DLK1: variants seen among roughly 807,000 people sequenced by gnomAD.
DLK1 encodes protein delta homolog 1.
Under a neutral mutation model 35.2 loss-of-function variants are expected in DLK1, and 9 were observed. The ratio of observed to expected loss-of-function variants is 0.26; its 90% CI spans 0.15 to 0.45. DLK1 has a LOEUF of 0.45. Ranked by LOEUF, DLK1 falls within the 20% of genes least tolerant of loss-of-function variation. DLK1 has a pLI of 1.00. For missense variants in DLK1, 522 were observed against 528.5 expected (o/e 0.99, Z 0.12); for synonymous variants, 231 against 228.4 (o/e 1.01, Z -0.10).
In DLK1 at chr14:100,736,510, A is replaced by G. The variant is rs1048060363; in HGVS notation, c.*1614A>G. 1.3e-5 allele frequency: 2 copies of G among 151,610 alleles called. No homozygotes were observed. The highest frequency in any genetic ancestry group is 6.6e-5 in the Admixed American group (1 of 15,212). The allele number at this position is 151,610 out of a possible 1,614,324, so 9.4% of individuals were successfully genotyped here. On this transcript the variant is annotated 3_prime_UTR_variant, in exon 5 of 5. Coordinates refer to ENST00000341267, the MANE Select transcript of DLK1 (RefSeq NM_003836.7). ...GTCATGACACAATATCGACCTCATC[A>G]CCTCATCGTCCTCCAGCCACTACCC...
chr14:100,733,362 C>G (rs531629702), intron 4 of DLK1, among the ~76,000 whole-genome samples: 2 of 152,108 alleles, frequency 1.3e-5, no homozygotes, highest in Non-Finnish European at 2.9e-5. Context: ...ACAAAGGGCT[C>G]GCTCGTTTAA....
chr14:100,734,669 A>G lies in DLK1; in HGVS notation c.925A>G (p.Ile309Val), dbSNP rs367613656. The G allele has an allele frequency of 1.2e-6, 2 of 1,613,874 alleles. No homozygotes were observed. Among genetic ancestry groups the G allele is most frequent in the Non-Finnish European group, 1.7e-6 (2 of 1,180,022 alleles). ...LTEGQAICFTILGVLTSLVVL... is the reference protein window; with the variant it reads ...LTEGQAICFTVLGVLTSLVVL... ...CGAGGGCCAGGCCATCTGCTTCACC[A>G]TCCTGGGCGTGCTCACCAGCCTGGT... The change falls in exon 5 of 5, where the codon ATC becomes GTC. Residue 309 changes from isoleucine to valine, a missense_variant. Transcript: ENST00000341267. The surrounding 1 kb of genome is among the most constrained non-coding windows in gnomAD (Gnocchi z 7.4).
In DLK1 at chr14:100,736,343, C is replaced by T. The variant is rs1359874386; in HGVS notation, c.*1447C>T. On this transcript the variant is annotated 3_prime_UTR_variant, in exon 5 of 5. Coordinates refer to ENST00000341267, the MANE Select transcript of DLK1 (RefSeq NM_003836.7). Reference sequence around the variant, plus strand: ...TTTGGATAAGAATCTATACTCTTAGCTTTATTGAGCATTGCCTGCCGTGTT... The same window carrying T: ...TTTGGATAAGAATCTATACTCTTAGTTTTATTGAGCATTGCCTGCCGTGTT... 6.6e-6 allele frequency: 1 copy of T among 152,030 alleles called. No homozygotes were observed. The highest frequency in any genetic ancestry group is 1.5e-5 in the Non-Finnish European group (1 of 68,036). 9.4% of individuals were successfully genotyped at this position (152,030 alleles called of 1,614,324 possible).
intron 3 of DLK1, 60 bp downstream of exon 3, chr14:100,729,126 A>G: frequency 1.2e-5 from 20 of 1,607,028 alleles, no homozygotes; most frequent in Middle Eastern, 1.7e-4. Flanking sequence ...CCTAGCCCCT[A>G]CCACCTCCTC....
At position 100,737,362 on chromosome 14, in the gene DLK1, G is replaced by C. The variant is rs893740185; in HGVS notation, c.*2466G>C. 2.6e-5 allele frequency: 4 copies of C among 151,972 alleles called. No homozygotes were observed. The highest frequency in any genetic ancestry group is 9.7e-5 in the African/African-American group (4 of 41,404). 9.4% of individuals were successfully genotyped at this position (151,972 alleles called of 1,614,324 possible). A position where few individuals can be genotyped will look rare whatever the true frequency, so the allele number is the denominator to read the frequency against. On this transcript the variant is annotated 3_prime_UTR_variant, in exon 5 of 5. Transcript: ENST00000341267. The stretch of plus-strand genomic sequence containing the variant: ...CCCTGCCTGGCCTCTCTCAGCGTGA[G>C]ACCTGGACTGAGCCTGCTAACGATT...
chr14:100,735,080 C>T lies in DLK1; in HGVS notation c.*184C>T, dbSNP rs1595210760. On this transcript the variant is annotated 3_prime_UTR_variant, in exon 5 of 5. Transcript: ENST00000341267. ...TGCAAAAACAATCCTCTTTCTCTCT[C>T]TTAATGCATGATACAGAATAATAAT... 3.3e-6 allele frequency: 2 copies of T among 613,084 alleles called. No individual in the cohort carries two copies. Among genetic ancestry groups the T allele is most frequent in the East Asian group, 3.0e-5 (1 of 33,162 alleles). The allele number at this position is 613,084 out of a possible 1,614,324, so 38.0% of individuals were successfully genotyped here.
chr14:100,727,172 G>T (rs2036445001), intron 1 of DLK1, 37 bp downstream of exon 1: 1 of 1,526,416 alleles, frequency 6.6e-7, no homozygotes, highest in East Asian at 2.5e-5. Flanking sequence ...GCCCCCTCTG[G>T]GGAAGCCTGC....
chr14:100,732,442 C>T (rs1293385398), intron 4 of DLK1, among the ~76,000 whole-genome samples: 11 of 152,214 alleles, frequency 7.2e-5, no homozygotes, highest in African/African-American at 2.2e-4. Context: ...GAGTGACAGT[C>T]GATCGGAATG....
intron 1 of DLK1, among the ~76,000 whole-genome samples, chr14:100,728,077 C>T (rs902582580): frequency 6.6e-6 from 1 of 152,142 alleles, no homozygotes; most frequent in Non-Finnish European, 1.5e-5. Context: ...CCACGGTCCC[C>T]GTCCCCGCTG....
At chr14:100,728,283 C>T in intron 1 of DLK1, 113 bp from the exon 2 acceptor site, 1 of 1,170,418 alleles carries the variant, frequency 8.5e-7, no homozygotes, top group African/African-American at 1.5e-5. Context: ...TGGTAGGACC[C>T]AAGAGGGCTG....
In DLK1 at chr14:100,735,685, T is replaced by G. The variant is rs10136874; in HGVS notation, c.*789T>G. ...ACAATTGGGATCTGATGAAGACGAA[T>G]TCTCATCCTGGGATCCGAAAGGTTT... On this transcript the variant is annotated 3_prime_UTR_variant, in exon 5 of 5. Coordinates refer to ENST00000341267, the MANE Select transcript of DLK1 (RefSeq NM_003836.7). 92,928 of 152,120 alleles carry G rather than the reference T, an allele frequency of 0.61. 29,572 individuals are homozygous for G. The highest frequency in any genetic ancestry group is 1 in the East Asian group (5,140 of 5,162). 9.4% of individuals were successfully genotyped at this position (152,120 alleles called of 1,614,324 possible).
chr14:100,733,033 A>G (rs1204815794), intron 4 of DLK1, among the ~76,000 whole-genome samples: 1 of 152,062 alleles, frequency 6.6e-6, no homozygotes, highest in Non-Finnish European at 1.5e-5. Context: ...TGGCACAGAG[A>G]CCCCAGTAGT....
intron 1 of DLK1, among the ~76,000 whole-genome samples, chr14:100,727,562 G>A (rs540727297): frequency 6.6e-6 from 1 of 152,298 alleles, no homozygotes; most frequent in Non-Finnish European, 1.5e-5. Flanking sequence ...TCCCAGAGAA[G>A]CCCAGCCTGA....
At position 100,734,911 on chromosome 14, in the gene DLK1, GC is replaced by G; in HGVS notation, c.*20del. On this transcript the variant is annotated 3_prime_UTR_variant, in exon 5 of 5. Transcript: ENST00000341267. This position sits in a 1 kb window ranked among gnomAD's most constrained non-coding sequence, Gnocchi z 7.4. The stretch of plus-strand genomic sequence containing the variant: ...AGGAGATCTAAGCAGCGTTCCCACA[GC>G]CCCCTCTAGATTCTTGGAGTTCCGC... The G allele has an allele frequency of 6.4e-7, 1 of 1,552,910 alleles. No individual in the cohort carries two copies. The highest frequency in any genetic ancestry group is 8.7e-7 in the Non-Finnish European group (1 of 1,154,444).
rs1051767292 is a variant in DLK1 at position 100,735,024 on chromosome 14, T to G, written c.*128T>G. ...CTGGTGAACGCTACGCTTACATATATTGTCTTTGTGCTGCTGTGTGACAAA... is the reference window on the plus strand; with the variant it reads ...CTGGTGAACGCTACGCTTACATATAGTGTCTTTGTGCTGCTGTGTGACAAA... On this transcript the variant is annotated 3_prime_UTR_variant, in exon 5 of 5. Coordinates refer to ENST00000341267, the MANE Select transcript of DLK1 (RefSeq NM_003836.7). The G allele has an allele frequency of 1.5e-6, 2 of 1,312,008 alleles. No individual in the cohort carries two copies. The highest frequency in any genetic ancestry group is 2.9e-5 in the African/African-American group (2 of 67,880). The allele number at this position is 1,312,008 out of a possible 1,614,324, so 81.3% of individuals were successfully genotyped here. A position where few individuals can be genotyped will look rare whatever the true frequency, so the allele number is the denominator to read the frequency against.
intron 1 of DLK1, 94 bp downstream of exon 1, chr14:100,727,229 C>T (rs1207781685): frequency 1.8e-5 from 23 of 1,290,620 alleles, no homozygotes; most frequent in Non-Finnish European, 2.2e-5. Flanking sequence ...GTCTCGTGAG[C>T]CCCAACTCCG....
chr14:100,734,967 C>G lies in DLK1; in HGVS notation c.*71C>G. 1 of 1,496,472 alleles carries G rather than the reference C, an allele frequency of 6.7e-7. No homozygotes were observed. 92.7% of individuals were successfully genotyped at this position (1,496,472 alleles called of 1,614,324 possible). On this transcript the variant is annotated 3_prime_UTR_variant, in exon 5 of 5. Coordinates refer to ENST00000341267, the MANE Select transcript of DLK1 (RefSeq NM_003836.7). This position sits in a 1 kb window ranked among gnomAD's most constrained non-coding sequence, Gnocchi z 7.4. ...CTTACTATACGCGGTCTGTCCTAAT[C>G]TTTGTGGTGTTCGCTATCTCTTGTG...
At chr14:100,731,887 A>C (rs2139861704) in intron 3 of DLK1, among the ~76,000 whole-genome samples, 155 bp from the exon 4 acceptor site, 1 of 151,992 alleles carries the variant, frequency 6.6e-6, no homozygotes, top group Admixed American at 6.5e-5. Context: ...GCCTCAGCTT[A>C]CTCACTTCAT....
At chr14:100,732,508 G>C (rs1489030235) in intron 4 of DLK1, among the ~76,000 whole-genome samples, 5 of 152,242 alleles carry the variant, frequency 3.3e-5, no homozygotes, top group Non-Finnish European at 7.3e-5. Flanking sequence ...TAAAAGATTG[G>C]AGCTCCGCGG....
Sources: allele counts gnomAD v4.1 joint callset (sites outside exome capture counted in the v4.1 genomes callset), GRCh38; gene constraint gnomAD v4.1.1; non-coding constraint Gnocchi (gnomAD v3.1); transcripts MANE v1.5; gene names NCBI Gene and HGNC (gene_info 2026-07-23, HGNC 2026-07-21).